MAML2: variants seen among roughly 807,000 people sequenced by gnomAD.
The protein encoded by MAML2 is mastermind-like protein 2.
MAML2 carries 22 observed loss-of-function variants against 96.1 expected under a neutral mutation model. The observed-to-expected ratio is 0.23, with a 90% CI of 0.16 to 0.33. MAML2 has a LOEUF of 0.33. Ranked by LOEUF, MAML2 falls within the 10% of genes least tolerant of loss-of-function variation. The pLI is 1.00. For synonymous variants in MAML2, 561 were observed against 521.3 expected, an observed-to-expected ratio of 1.08 and a Z score of -1.04; for missense variants, 1,367 against 1,392.4, an observed-to-expected ratio of 0.98 and a Z score of 0.29.
chr11:96,248,203 C>G (rs1862536353), intron 1 of MAML2, among the ~76,000 whole-genome samples: 2 of 150,346 alleles, frequency 1.3e-5, no homozygotes, highest in Non-Finnish European at 3.0e-5. Context: ...GCCTCCATCT[C>G]CTAGGTTCAA....
At chr11:96,321,614 A>T (rs1863701461) in intron 1 of MAML2, among the ~76,000 whole-genome samples, 1 of 152,190 alleles carries the variant, frequency 6.6e-6, no homozygotes, top group Non-Finnish European at 1.5e-5. Context: ...AGTAGAGTCT[A>T]CAGAATTTAG....
intron 1 of MAML2, among the ~76,000 whole-genome samples, chr11:96,252,907 T>C (rs1862605665): frequency 6.6e-6 from 1 of 152,202 alleles, no homozygotes; most frequent in African/African-American, 2.4e-5. Context: ...TAAAGTCCCT[T>C]GCCTGGTTAA....
chr11:96,298,691 ATG>A (rs1279837225), intron 1 of MAML2, among the ~76,000 whole-genome samples: 1 of 148,652 alleles, frequency 6.7e-6, no homozygotes, highest in Non-Finnish European at 1.5e-5. Flanking sequence ...TTCTATGTAT[ATG>A]TGTGTATGTG....
At chr11:96,223,538 ATTTTCTTTTT>A (rs1862170477) in intron 1 of MAML2, among the ~76,000 whole-genome samples, 1 of 150,324 alleles carries the variant, frequency 6.7e-6, no homozygotes, top group South Asian at 2.1e-4. Context: ...CCAGCCAGGT[ATTTTCTTTTT>A]TTTTCTTTTT....
intron 1 of MAML2, among the ~76,000 whole-genome samples, chr11:96,127,331 T>C (rs113318348): frequency 6.9e-4 from 105 of 152,256 alleles, no homozygotes; most frequent in Admixed American, 1.9e-3. Flanking sequence ...GATTACTTAT[T>C]AAAAAGGATT....
At chr11:96,034,059 T>C (rs1272637262) in intron 2 of MAML2, among the ~76,000 whole-genome samples, 1 of 152,194 alleles carries the variant, frequency 6.6e-6, no homozygotes, top group Non-Finnish European at 1.5e-5. Context: ...TTTAAACTCT[T>C]TGGGGAAAGA....
At chr11:96,117,264 C>A (rs940510262) in intron 1 of MAML2, among the ~76,000 whole-genome samples, 2 of 151,638 alleles carry the variant, frequency 1.3e-5, no homozygotes, top group Non-Finnish European at 2.9e-5. Flanking sequence ...CTTGACATAC[C>A]CAGTATCTGT....
intron 1 of MAML2, among the ~76,000 whole-genome samples, chr11:96,188,568 C>G (rs1366682545): frequency 6.6e-6 from 1 of 152,104 alleles, no homozygotes; most frequent in Non-Finnish European, 1.5e-5. Context: ...ATGAGGAGAT[C>G]TTACAAAAGA....
chr11:96,058,320 G>GTTTTT (rs1859101524), intron 2 of MAML2, among the ~76,000 whole-genome samples: 3 of 123,314 alleles, frequency 2.4e-5, no homozygotes, highest in African/African-American at 9.0e-5. Context: ...GTTTTGTTTT[G>GTTTTT]CTTGTTTTGT....
chr11:96,033,720 G>T (rs1302208059), intron 2 of MAML2, among the ~76,000 whole-genome samples: 4 of 152,156 alleles, frequency 2.6e-5, no homozygotes, highest in Non-Finnish European at 4.4e-5. Flanking sequence ...GTCGCGTCTG[G>T]GAAAACCTAG....
chr11:95,991,442 T>A, intron 3 of MAML2, 78 bp downstream of exon 3: 2 of 1,347,114 alleles, frequency 1.5e-6, no homozygotes, highest in Non-Finnish European at 2.1e-6. Flanking sequence ...GTAGGCACAG[T>A]AAATATAAAT....
At chr11:96,032,504 T>C (rs964566432) in intron 2 of MAML2, among the ~76,000 whole-genome samples, 2 of 150,460 alleles carry the variant, frequency 1.3e-5, no homozygotes. Context: ...GGAGGATTGC[T>C]TGAACCCTGG....
At chr11:96,340,590 C>T (rs1426574558) in intron 1 of MAML2, among the ~76,000 whole-genome samples, 3 of 152,222 alleles carry the variant, frequency 2.0e-5, no homozygotes, top group African/African-American at 7.2e-5. Context: ...GTTTGATATC[C>T]TATCACCAGG....
intron 2 of MAML2, among the ~76,000 whole-genome samples, chr11:95,996,046 G>A (rs951908084): frequency 2.6e-5 from 4 of 151,090 alleles, no homozygotes; most frequent in South Asian, 4.3e-4. Context: ...ACATGTACCC[G>A]GGAACTTAAA....
chr11:96,179,279 G>A (rs891172105), intron 1 of MAML2, among the ~76,000 whole-genome samples: 7 of 152,178 alleles, frequency 4.6e-5, no homozygotes, highest in African/African-American at 1.7e-4. Context: ...CAAAAGGAAG[G>A]ATATGAATAG....
intron 2 of MAML2, among the ~76,000 whole-genome samples, chr11:96,031,801 T>C (rs1322387537): frequency 5.3e-5 from 8 of 151,918 alleles, no homozygotes; most frequent in Admixed American, 4.6e-4. Context: ...CTGGCTAACA[T>C]GGTGAAACCC....
At chr11:96,267,460 A>G (rs1424268122) in intron 1 of MAML2, among the ~76,000 whole-genome samples, 1 of 152,226 alleles carries the variant, frequency 6.6e-6, no homozygotes, top group Non-Finnish European at 1.5e-5. Flanking sequence ...AACAAAAACA[A>G]AAACAAAATC....
At chr11:96,249,881 TCTTA>T (rs1341142452) in intron 1 of MAML2, among the ~76,000 whole-genome samples, 6 of 152,182 alleles carry the variant, frequency 3.9e-5, no homozygotes, top group African/African-American at 1.2e-4. Context: ...TTGCTGCCTG[TCTTA>T]CTTAGAATAA....
chr11:96,119,252 T>C (rs1341205608), intron 1 of MAML2, among the ~76,000 whole-genome samples: 2 of 152,220 alleles, frequency 1.3e-5, no homozygotes, highest in East Asian at 3.8e-4. Context: ...TTAAGGATCT[T>C]AACATGAGGT....
Sources: allele counts gnomAD v4.1 joint callset (sites outside exome capture counted in the v4.1 genomes callset), GRCh38; gene constraint gnomAD v4.1.1; transcripts MANE v1.5; gene names NCBI Gene and HGNC (gene_info 2026-07-23, HGNC 2026-07-21).